The following ELMO1 variants were observed in gnomAD, a reference collection of about 807,000 sequenced individuals.
ELMO1 encodes the protein engulfment and cell motility 1.
In ELMO1, 26 loss-of-function variants were observed where a neutral mutation model predicts 98.9. That is an observed-to-expected ratio of 0.26 (90% CI 0.19 to 0.36). ELMO1 has a LOEUF of 0.36. Among genes scored for constraint, ELMO1 ranks in the 10% least tolerant of loss-of-function variants. The probability of loss-of-function intolerance (pLI) is 1.00; values close to 1 mark genes in which losing one functional copy is unlikely to be tolerated. For missense variants in ELMO1, 627 were observed against 935.2 expected (o/e 0.67, Z 4.30); for synonymous variants, 346 against 346.0 (o/e 1.00, Z 0.00).
At chr7:36,859,069 G>T (rs979722548) in intron 21 of ELMO1, among the ~76,000 whole-genome samples, 1 of 151,860 alleles carries the variant, frequency 6.6e-6, no homozygotes, top group Non-Finnish European at 1.5e-5. Context: ...AAATTTCAAG[G>T]AAAAAAGGCA....
intron 13 of ELMO1, among the ~76,000 whole-genome samples, chr7:37,188,312 C>T (rs1434785578): frequency 6.6e-6 from 1 of 151,484 alleles, no homozygotes; most frequent in African/African-American, 2.4e-5. Flanking sequence ...TTTTGCAGAA[C>T]TGGATTACTC....
chr7:36,922,597 A>G (rs1289269847), intron 16 of ELMO1, among the ~76,000 whole-genome samples: 1 of 152,214 alleles, frequency 6.6e-6, no homozygotes, highest in East Asian at 1.9e-4. Context: ...GAAAGGAAGG[A>G]AAACAAGTAA....
At chr7:37,069,499 A>G (rs1797158866) in intron 15 of ELMO1, among the ~76,000 whole-genome samples, 1 of 152,230 alleles carries the variant, frequency 6.6e-6, no homozygotes, top group Non-Finnish European at 1.5e-5. Flanking sequence ...AGCTGCAAAC[A>G]TGAAATTAAG....
chr7:37,108,957 C>T (rs111971400), intron 14 of ELMO1, among the ~76,000 whole-genome samples: 12,464 of 152,222 alleles, frequency 0.082, 1,028 homozygotes, highest in African/African-American at 0.22. Flanking sequence ...TGAGTCATCC[C>T]TGTCCTCCAT....
intron 1 of ELMO1, among the ~76,000 whole-genome samples, chr7:37,397,025 G>C (rs1803327468): frequency 6.6e-6 from 1 of 152,192 alleles, no homozygotes; most frequent in African/African-American, 2.4e-5. Flanking sequence ...AACCCAAAGA[G>C]AGACTGAGGT....
chr7:37,192,988 TATATATATATATATATATATAC>T (rs1380951735), intron 13 of ELMO1, among the ~76,000 whole-genome samples: 8 of 65,960 alleles, frequency 1.2e-4, no homozygotes, highest in African/African-American at 3.7e-4. Context: ...TATATATATA[TATATATATATATATATATATAC>T]ACACACACAC....
chr7:36,976,441 T>G (rs927194095), intron 16 of ELMO1, among the ~76,000 whole-genome samples: 3 of 152,232 alleles, frequency 2.0e-5, no homozygotes, highest in Non-Finnish European at 2.9e-5. Context: ...TCGATTGAGC[T>G]TAACAGCATA....
intron 1 of ELMO1, among the ~76,000 whole-genome samples, chr7:37,443,663 G>C (rs1031645696): frequency 6.6e-6 from 1 of 152,158 alleles, no homozygotes; most frequent in South Asian, 2.1e-4. Context: ...GGCTTTGCAG[G>C]CTTTAGTTCT....
intron 11 of ELMO1, among the ~76,000 whole-genome samples, chr7:37,214,657 G>A (rs1214596076): frequency 7.0e-6 from 1 of 143,262 alleles, no homozygotes; most frequent in African/African-American, 2.8e-5. Context: ...ATTATGGGAA[G>A]CAGGGAAGCT....
At chr7:37,178,434 CAA>C (rs10572924) in intron 13 of ELMO1, among the ~76,000 whole-genome samples, 111,198 of 140,318 alleles carry the variant, frequency 0.79, 44,514 homozygotes, top group Non-Finnish European at 0.87. Flanking sequence ...CCCATCTCTT[CAA>C]AAAAAAAAAA....
chr7:37,392,466 A>G (rs917673023), intron 1 of ELMO1, among the ~76,000 whole-genome samples: 7 of 152,238 alleles, frequency 4.6e-5, no homozygotes, highest in African/African-American at 1.7e-4. Context: ...GGCCATTCGC[A>G]TATCTAAAGC....
intron 16 of ELMO1, among the ~76,000 whole-genome samples, chr7:37,010,378 T>C (rs1300766338): frequency 6.6e-6 from 1 of 152,160 alleles, no homozygotes; most frequent in Non-Finnish European, 1.5e-5. Flanking sequence ...ACAGGGGAAT[T>C]GGGGTTGCAG....
intron 6 of ELMO1, among the ~76,000 whole-genome samples, chr7:37,258,440 T>TA (rs146077523): frequency 0.26 from 39,092 of 149,216 alleles, 5,060 homozygotes; most frequent in Middle Eastern, 0.34. Flanking sequence ...CCATCTCAAA[T>TA]AAAAAAAAAT....
chr7:37,304,489 G>A (rs1171491924), intron 4 of ELMO1, among the ~76,000 whole-genome samples: 1 of 152,188 alleles, frequency 6.6e-6, no homozygotes, highest in Non-Finnish European at 1.5e-5. Flanking sequence ...GCTGAGGCAG[G>A]TGGATAACCT....
intron 6 of ELMO1, among the ~76,000 whole-genome samples, chr7:37,246,797 CAGATAGAT>C (rs113340207): frequency 6.8e-6 from 1 of 147,192 alleles, no homozygotes; most frequent in African/African-American, 2.7e-5. Flanking sequence ...GATAAACAGA[CAGATAGAT>C]AGATAGATAT....
intron 7 of ELMO1, among the ~76,000 whole-genome samples, chr7:37,235,030 C>T (rs1246414866): frequency 6.6e-6 from 1 of 152,176 alleles, no homozygotes; most frequent in Non-Finnish European, 1.5e-5. Flanking sequence ...CTTACAGGTG[C>T]CCCCTAGGTG....
chr7:37,394,319 A>G (rs1009890516), intron 1 of ELMO1, among the ~76,000 whole-genome samples: 1 of 152,166 alleles, frequency 6.6e-6, no homozygotes, highest in African/African-American at 2.4e-5. Flanking sequence ...GAAGCTGTAA[A>G]TAAGACCTCA....
intron 1 of ELMO1, among the ~76,000 whole-genome samples, chr7:37,425,840 T>C (rs931135885): frequency 7.2e-5 from 11 of 152,228 alleles, no homozygotes; most frequent in African/African-American, 2.4e-4. Flanking sequence ...AATACGCTGA[T>C]ATACTGAGAA....
intron 13 of ELMO1, among the ~76,000 whole-genome samples, chr7:37,151,056 G>A (rs1456845826): frequency 2.6e-5 from 4 of 152,212 alleles, no homozygotes; most frequent in African/African-American, 9.6e-5. Context: ...GCCCTCTGCA[G>A]TCAGTGTGAG....
Sources: allele counts gnomAD v4.1 joint callset (sites outside exome capture counted in the v4.1 genomes callset), GRCh38; gene constraint gnomAD v4.1.1; transcripts MANE v1.5; gene names NCBI Gene and HGNC (gene_info 2026-07-23, HGNC 2026-07-21).